PCDHA4: variants seen among roughly 807,000 people sequenced by gnomAD.
PCDHA4 encodes protocadherin alpha-4.
A neutral mutation model predicts 61.4 loss-of-function variants in PCDHA4; 49 were observed. That is an observed-to-expected ratio of 0.80 (90% CI 0.63 to 1.01). The LOEUF (loss-of-function observed/expected upper bound fraction) is 1.01, where lower values mean the gene tolerates loss of function less well. Among genes scored for constraint, PCDHA4 ranks in the 50% least tolerant of loss-of-function variants. PCDHA4 has a pLI of 0.00. For missense variants in PCDHA4, 1,254 were observed against 1,235.8 expected (o/e 1.01, Z -0.22); for synonymous variants, 590 against 550.3 (o/e 1.07, Z -1.01).
At chr5:140,871,677 T>C in intron 1 of PCDHA4, 1 of 1,122,130 alleles carries the variant, frequency 8.9e-7, no homozygotes, top group Non-Finnish European at 1.2e-6. Flanking sequence ...TTTAATCATA[T>C]GAATAATCTG....
At chr5:140,920,835 C>T (rs1253933771) in intron 1 of PCDHA4, among the ~76,000 whole-genome samples, 1 of 141,740 alleles carries the variant, frequency 7.1e-6, no homozygotes, top group Non-Finnish European at 1.5e-5. Flanking sequence ...GGAGCAAGAC[C>T]AAATCTAAAA....
chr5:140,983,665 A>G (rs1161885514), intron 3 of PCDHA4, among the ~76,000 whole-genome samples: 3 of 152,248 alleles, frequency 2.0e-5, no homozygotes, highest in Non-Finnish European at 4.4e-5. Flanking sequence ...GGCAGAGGGT[A>G]GGATTCAAAC....
intron 1 of PCDHA4, chr5:140,826,001 C>G (rs2150077180): frequency 6.6e-6 from 1 of 152,282 alleles, no homozygotes; most frequent in South Asian, 2.1e-4. Context: ...AGTAAATAGT[C>G]CACACTTTAC....
At chr5:140,906,030 T>G (rs1554192342) in intron 1 of PCDHA4, among the ~76,000 whole-genome samples, 1 of 152,196 alleles carries the variant, frequency 6.6e-6, no homozygotes, top group Non-Finnish European at 1.5e-5. Flanking sequence ...CACGTTCTTC[T>G]GTCTGCTTTT....
chr5:140,928,921 C>A (rs782289381), intron 1 of PCDHA4: 1 of 1,614,116 alleles, frequency 6.2e-7, no homozygotes, highest in Non-Finnish European at 8.5e-7. Flanking sequence ...AGGAGGGCAG[C>A]TTTCTGCCCA....
At chr5:140,823,570 G>C in intron 1 of PCDHA4, 1 of 1,613,982 alleles carries the variant, frequency 6.2e-7, no homozygotes, top group Non-Finnish European at 8.5e-7. Flanking sequence ...AGTGGACCCT[G>C]ATTCGGGCTA....
At position 140,969,018 on chromosome 5, in the gene PCDHA4, G is replaced by A. The variant is rs143196630; in HGVS notation, c.2386-9931G>A. On this transcript the variant is annotated intron_variant, in intron 1 of 3. Transcript: ENST00000530339. ...GGAGGCTTCTGTGGAGTAAGGGAAA[G>A]GTCCCCTGCAGAACTGTACAAACAA... 33 of 1,614,058 alleles carry A rather than the reference G, an allele frequency of 2.0e-5. 1 individual carries two copies. In the Middle Eastern group the frequency reaches 4.9e-4, roughly 24 times the overall value.
chr5:140,981,101 G>A (rs1484209084), intron 2 of PCDHA4, among the ~76,000 whole-genome samples: 1 of 152,196 alleles, frequency 6.6e-6, no homozygotes, highest in Non-Finnish European at 1.5e-5. Flanking sequence ...TTTAATGAGT[G>A]AATTTCTACT....
chr5:140,999,144 G>A (rs2097848915), intron 3 of PCDHA4, among the ~76,000 whole-genome samples: 1 of 152,200 alleles, frequency 6.6e-6, no homozygotes, highest in Non-Finnish European at 1.5e-5. Context: ...ACAGCCGGAA[G>A]TCTTCAGTCC....
At chr5:140,883,341 C>G in intron 1 of PCDHA4, 1 of 1,614,144 alleles carries the variant, frequency 6.2e-7, no homozygotes, top group Non-Finnish European at 8.5e-7. Context: ...TTGTCACTCC[C>G]CATCAGAGAA....
intron 1 of PCDHA4, among the ~76,000 whole-genome samples, chr5:140,839,041 C>A (rs1776010412): frequency 6.6e-6 from 1 of 151,884 alleles, no homozygotes; most frequent in African/African-American, 2.4e-5. Context: ...GTTTTCTTTT[C>A]AACGTGAATA....
At chr5:140,828,891 C>G (rs189039710) in intron 1 of PCDHA4, 11 of 1,614,240 alleles carry the variant, frequency 6.8e-6, no homozygotes, top group Middle Eastern at 3.3e-4. Flanking sequence ...CTGAATGCTT[C>G]TGATCGGGAT....
chr5:140,967,665 C>T (rs782126222), intron 1 of PCDHA4: 23 of 1,614,036 alleles, frequency 1.4e-5, no homozygotes, highest in East Asian at 2.2e-5. Context: ...AGCAGCTACA[C>T]GTCGGACCGG....
At chr5:141,007,000 G>A (rs2098298646) in intron 3 of PCDHA4, among the ~76,000 whole-genome samples, 1 of 152,128 alleles carries the variant, frequency 6.6e-6, no homozygotes, top group South Asian at 2.1e-4. Flanking sequence ...ATATAAGTCT[G>A]CATCTCATCA....
In PCDHA4 at chr5:140,807,200, T is replaced by C; in HGVS notation, c.13T>C (p.Trp5Arg). Residue 5 changes from tryptophan to arginine, a missense_variant, in exon 1 of 4, where the codon TGG becomes CGG. Transcript: ENST00000530339. MEFS[W>R]GSGQESRRLL... Reference sequence around the variant, plus strand: ...CTGTGCACTAAAGATGGAGTTTTCCTGGGGAAGCGGCCAGGAATCCCGGCG... The same window carrying C: ...CTGTGCACTAAAGATGGAGTTTTCCCGGGGAAGCGGCCAGGAATCCCGGCG... The C allele has an allele frequency of 6.2e-7, 1 of 1,613,670 alleles. No individual in the cohort carries two copies. The highest frequency in any genetic ancestry group is 8.5e-7 in the Non-Finnish European group (1 of 1,179,794).
intron 1 of PCDHA4, chr5:140,865,657 A>C (rs2048950943): frequency 6.6e-6 from 1 of 152,200 alleles, no homozygotes; most frequent in Admixed American, 6.5e-5. Flanking sequence ...ATTTCATTTA[A>C]TACTTATAAC....
intron 1 of PCDHA4, among the ~76,000 whole-genome samples, chr5:140,956,131 C>A (rs2095258276): frequency 6.6e-6 from 1 of 152,096 alleles, no homozygotes; most frequent in African/African-American, 2.4e-5. Flanking sequence ...TATTTGAATA[C>A]CCTTTATTTC....
At chr5:140,985,103 A>C (rs1342526252) in intron 3 of PCDHA4, among the ~76,000 whole-genome samples, 1 of 151,694 alleles carries the variant, frequency 6.6e-6, no homozygotes, top group Admixed American at 6.6e-5. Context: ...AAGCCTGGCT[A>C]ATTTTTTGTG....
rs782527674 is a variant in PCDHA4 at position 140,876,124 on chromosome 5, G to A, written c.2385+66552G>A. 162 of 1,613,780 alleles carry A rather than the reference G, an allele frequency of 1.0e-4. No individual in the cohort carries two copies. The highest frequency in any genetic ancestry group is 1.3e-4 in the Non-Finnish European group (152 of 1,179,892). ...TTTATTGCTGATGGTAATCGATGGC[G>A]GTAAACCAGAACTAACAGGGTCTGT... On this transcript the variant is annotated intron_variant, in intron 1 of 3. Coordinates refer to ENST00000530339, the MANE Select transcript of PCDHA4 (RefSeq NM_018907.4).
Sources: gnomAD v4.1 joint callset for allele counts (sites outside exome capture counted in the v4.1 genomes callset) on GRCh38, gnomAD v4.1.1 for gene constraint, MANE v1.5 for transcripts, NCBI Gene and HGNC (gene_info 2026-07-23, HGNC 2026-07-21) for gene names.